PCDHA13: variants seen among roughly 807,000 people sequenced by gnomAD.
PCDHA13 encodes protocadherin alpha-13.
Under a neutral mutation model 64.8 loss-of-function variants are expected in PCDHA13, and 54 were observed. That is an observed-to-expected ratio of 0.83 (90% CI 0.67 to 1.04). PCDHA13 has a LOEUF of 1.04. PCDHA13 is among the 50% of genes least tolerant of loss of function. PCDHA13 has a pLI of 0.00. For synonymous variants in PCDHA13, 587 were observed against 564.4 expected, an observed-to-expected ratio of 1.04 and a Z score of -0.57; for missense variants, 1,248 against 1,254.3, an observed-to-expected ratio of 0.99 and a Z score of 0.08.
chr5:140,985,007 G>A (rs1349447884), intron 3 of PCDHA13, among the ~76,000 whole-genome samples: 2 of 151,706 alleles, frequency 1.3e-5, no homozygotes, highest in African/African-American at 4.8e-5. Flanking sequence ...GCACGATATC[G>A]GCTCACAGCA....
intron 1 of PCDHA13, among the ~76,000 whole-genome samples, chr5:140,905,373 G>A (rs556428182): frequency 6.6e-6 from 1 of 152,118 alleles, no homozygotes; most frequent in East Asian, 1.9e-4. Context: ...CTGGTTCTCT[G>A]TTCTGTTTCA....
Position 140,967,485 on chromosome 5 carries a change from C to T in PCDHA13, c.2395-11464C>T, listed in dbSNP as rs781948599. 7 of 1,613,056 alleles carry T rather than the reference C, an allele frequency of 4.3e-6. No individual in the cohort carries two copies. The South Asian group carries it at 5.5e-5, about 13-fold the overall frequency. On this transcript the variant is annotated intron_variant, in intron 1 of 3. Coordinates refer to ENST00000289272, the MANE Select transcript of PCDHA13 (RefSeq NM_018904.3). ...GGGGGCATCCCAGCCCGCTCGGGTA[C>T]GGCACAGATCTCTGTGCGTGTCCTG...
At chr5:140,971,624 T>C (rs2153790714) in intron 1 of PCDHA13, among the ~76,000 whole-genome samples, 1 of 152,254 alleles carries the variant, frequency 6.6e-6, no homozygotes, top group East Asian at 1.9e-4. Flanking sequence ...TGGGGTACAA[T>C]TAGTACCATG....
Position 140,888,156 on chromosome 5 carries a change from A to T in PCDHA13, c.2394+3494A>T, listed in dbSNP as rs556908449. 2.0e-5 allele frequency among the ~76,000 whole-genome samples: 3 copies of T among 152,300 alleles called. No homozygotes were observed. In the South Asian group the frequency reaches 6.2e-4, roughly 32 times the overall value. On this transcript the variant is annotated intron_variant, in intron 1 of 3. Coordinates refer to ENST00000289272, the MANE Select transcript of PCDHA13 (RefSeq NM_018904.3). ...TTTCTTGCTGTTTTGCATGACTGGT[A>T]ATCTCTAATAAGATGCTAGACATTG...
intron 1 of PCDHA13, among the ~76,000 whole-genome samples, chr5:140,965,664 ATAAATG>A (rs1251201552): frequency 1.3e-5 from 2 of 152,254 alleles, no homozygotes; most frequent in Non-Finnish European, 2.9e-5. Flanking sequence ...GTCTTGGGTG[ATAAATG>A]TAAAAGATTT....
chr5:140,900,424 C>T (rs557118930), intron 1 of PCDHA13, among the ~76,000 whole-genome samples: 151 of 152,214 alleles, frequency 9.9e-4, no homozygotes, highest in African/African-American at 3.3e-3. Flanking sequence ...ATTATAGGCA[C>T]GTGCCACCAC....
chr5:140,998,565 A>G, intron 3 of PCDHA13, among the ~76,000 whole-genome samples: 1 of 113,790 alleles, frequency 8.8e-6, no homozygotes. Context: ...TTTATTGTAA[A>G]TAAGTTTTTT....
At chr5:140,901,452 A>G (rs1352830826) in intron 1 of PCDHA13, among the ~76,000 whole-genome samples, 1 of 152,120 alleles carries the variant, frequency 6.6e-6, no homozygotes, top group African/African-American at 2.4e-5. Flanking sequence ...TTCCCAGCAC[A>G]GACTGTCTTT....
At chr5:140,924,416 T>G (rs1283567998) in intron 1 of PCDHA13, among the ~76,000 whole-genome samples, 1 of 152,192 alleles carries the variant, frequency 6.6e-6, no homozygotes, top group African/African-American at 2.4e-5. Context: ...CAGTGTGCCC[T>G]TTCTAGTTCC....
At chr5:140,929,241 T>TG (rs2085975080) in intron 1 of PCDHA13, 1 of 1,613,878 alleles carries the variant, frequency 6.2e-7, no homozygotes. Context: ...TGCGAAATCT[T>TG]GCCACTGGGG....
At chr5:140,967,272 T>C in intron 1 of PCDHA13, 2 of 1,613,412 alleles carry the variant, frequency 1.2e-6, no homozygotes, top group Non-Finnish European at 1.7e-6. Flanking sequence ...CGCTTTCACA[T>C]AGAGAGTGCG....
At chr5:140,897,547 C>T (rs1276931434) in intron 1 of PCDHA13, among the ~76,000 whole-genome samples, 3 of 152,076 alleles carry the variant, frequency 2.0e-5, no homozygotes, top group Non-Finnish European at 2.9e-5. Context: ...CATAGTCTTC[C>T]ATGGTGTATA....
chr5:140,925,952 ACTG>A (rs1295981015), intron 1 of PCDHA13, among the ~76,000 whole-genome samples: 1 of 151,952 alleles, frequency 6.6e-6, no homozygotes, highest in Non-Finnish European at 1.5e-5. Flanking sequence ...AGAAGGAGAA[ACTG>A]CTATCACGCA....
At chr5:140,889,456 T>A (rs1328565593) in intron 1 of PCDHA13, among the ~76,000 whole-genome samples, 1 of 152,126 alleles carries the variant, frequency 6.6e-6, no homozygotes, top group Admixed American at 6.5e-5. Flanking sequence ...TTAATCTAAA[T>A]TTTCAGTTAT....
In PCDHA13 at chr5:140,937,639, A is replaced by G. The variant is rs140444916; in HGVS notation, c.2395-41310A>G. On this transcript the variant is annotated intron_variant, in intron 1 of 3. Transcript: ENST00000289272. ...CTAAAAAGAAAAAGAAAGGCAGGGC[A>G]TGGTGGCTCACGCCTGTAATCCCAG... is the stretch of plus-strand genomic sequence containing the variant. 9.3e-5 allele frequency among the ~76,000 whole-genome samples: 14 copies of G among 151,094 alleles called. No individual in the cohort carries two copies. In the East Asian group the frequency reaches 1.8e-3, roughly 20 times the overall value.
Position 140,946,631 on chromosome 5 carries a change from T to TATATATATATATATAC in PCDHA13, c.2395-32317_2395-32316insTATATATATATATACA, listed in dbSNP as rs57893927. On this transcript the variant is annotated intron_variant, in intron 1 of 3. Coordinates refer to ENST00000289272, the MANE Select transcript of PCDHA13 (RefSeq NM_018904.3). The stretch of plus-strand genomic sequence containing the variant: ...TGTGAAATATATATATATATATATA[T>TATATATATATATATAC]ACAATGGAATACTCATCAGCCATTA... 8.0e-3 allele frequency among the ~76,000 whole-genome samples: 1,048 copies of TATATATATATATATAC among 131,788 alleles called. 65 individuals carry two copies. Among genetic ancestry groups the TATATATATATATATAC allele is most frequent in the African/African-American group, 0.026 (735 of 28,674 alleles). The allele number at this position is 131,788 out of a possible 152,430, so 86.5% of individuals were successfully genotyped here. A position where few individuals can be genotyped will look rare whatever the true frequency, so the allele number is the denominator to read the frequency against.
chr5:140,977,359 A>G (rs1335405602), intron 1 of PCDHA13, among the ~76,000 whole-genome samples: 6 of 152,212 alleles, frequency 3.9e-5, no homozygotes, highest in Non-Finnish European at 8.8e-5. Context: ...TGATTGATAA[A>G]AAGTATTTTA....
At chr5:140,915,204 C>T (rs2077022161) in intron 1 of PCDHA13, among the ~76,000 whole-genome samples, 1 of 152,236 alleles carries the variant, frequency 6.6e-6, no homozygotes, top group East Asian at 1.9e-4. Flanking sequence ...ATCTTGGCCT[C>T]CCAAAGTGCT....
chr5:140,940,499 G>A (rs190058542), intron 1 of PCDHA13, among the ~76,000 whole-genome samples: 23 of 151,756 alleles, frequency 1.5e-4, no homozygotes, highest in African/African-American at 3.9e-4. Context: ...GTCTTGCTCC[G>A]TCGCTCAGGC....
Sources: allele counts gnomAD v4.1 joint callset (sites outside exome capture counted in the v4.1 genomes callset), GRCh38; gene constraint gnomAD v4.1.1; transcripts MANE v1.5; gene names NCBI Gene and HGNC (gene_info 2026-07-23, HGNC 2026-07-21).